Variants in VWC2 observed in about 807,000 individuals in gnomAD.
VWC2 encodes the protein brorin.
In VWC2, 14 loss-of-function variants were observed where a neutral mutation model predicts 29.8. The ratio of observed to expected loss-of-function variants is 0.47; its 90% CI spans 0.31 to 0.74. VWC2 has a LOEUF of 0.74. VWC2 is among the 30% of genes least tolerant of loss of function. The pLI is 0.05. For synonymous variants in VWC2, 213 were observed against 199.0 expected, an observed-to-expected ratio of 1.07 and a Z score of -0.59; for missense variants, 457 against 459.8, an observed-to-expected ratio of 0.99 and a Z score of 0.05.
At chr7:49,832,729 G>A (rs1789565884) in intron 3 of VWC2, among the ~76,000 whole-genome samples, 1 of 152,186 alleles carries the variant, frequency 6.6e-6, no homozygotes, top group Non-Finnish European at 1.5e-5. Context: ...CAAGCCAACA[G>A]CCTCTCATCA....
chr7:49,886,433 A>G (rs149558894), intron 3 of VWC2, among the ~76,000 whole-genome samples: 50 of 152,274 alleles, frequency 3.3e-4, no homozygotes, highest in Non-Finnish European at 4.6e-4. Flanking sequence ...TTACTTTTTA[A>G]TTTTGATTTC....
Position 49,919,277 on chromosome 7 carries a change from C to T in VWC2, c.*7092C>T, listed in dbSNP as rs552641196. 6.6e-6 allele frequency: 1 copy of T among 152,194 alleles called. No homozygotes were observed. Among genetic ancestry groups the T allele is most frequent in the South Asian group, 2.1e-4 (1 of 4,812 alleles). 9.4% of individuals were successfully genotyped at this position (152,194 alleles called of 1,614,324 possible). A position where few individuals can be genotyped will look rare whatever the true frequency, so the allele number is the denominator to read the frequency against. On this transcript the variant is annotated 3_prime_UTR_variant, in exon 4 of 4. Transcript: ENST00000340652. ...GATAGAGTCATATATGGTCTTTGGA[C>T]CCATGAAGCTCTGAGTCAAGGATAC...
chr7:49,879,715 TGGTTCTTGTTTTATTTCTTTCCATGGTTA>T lies in VWC2; in HGVS notation c.827-32318_827-32290del, dbSNP rs1460520173. On this transcript the variant is annotated intron_variant, in intron 3 of 3. Transcript: ENST00000340652. Reference sequence around the variant, plus strand: ...CTAGTACATAGTAATTCTTTCTCTTTGGTTCTTGTTTTATTTCTTTCCATGGTTATTTTTTTAAATAGGCCCTTTGCTAT... The same window carrying T: ...CTAGTACATAGTAATTCTTTCTCTTTTTTTTTTAAATAGGCCCTTTGCTAT... 6.2e-3 allele frequency among the ~76,000 whole-genome samples: 940 copies of T among 152,242 alleles called. 7 individuals carry two copies. The highest frequency in any genetic ancestry group is 0.021 in the African/African-American group (877 of 41,514).
At chr7:49,814,530 A>G (rs1789089770) in intron 3 of VWC2, among the ~76,000 whole-genome samples, 6 of 152,186 alleles carry the variant, frequency 3.9e-5, no homozygotes, top group Admixed American at 3.9e-4. Flanking sequence ...GCAGAATCTT[A>G]TTTTTAAGAT....
At chr7:49,853,442 G>A (rs191559335) in intron 3 of VWC2, among the ~76,000 whole-genome samples, 26 of 152,278 alleles carry the variant, frequency 1.7e-4, no homozygotes, top group African/African-American at 6.0e-4. Context: ...GCTGGGCATC[G>A]GGGCATATTA....
chr7:49,800,809 G>C lies in VWC2; in HGVS notation c.697-1902G>C, dbSNP rs894103411. Among the ~76,000 whole-genome samples the C allele has an allele frequency of 2.4e-4, 29 of 123,198 alleles. No homozygotes were observed. The Admixed American group carries it at 2.6e-3, about 11-fold the overall frequency. The allele number at this position is 123,198 out of a possible 152,430, so 80.8% of individuals were successfully genotyped here. Reference sequence around the variant, plus strand: ...GAGACAAGGAAATGAGACCCACAATGATGACAGCAACAATAAAGAGCACCA... The same window carrying C: ...GAGACAAGGAAATGAGACCCACAATCATGACAGCAACAATAAAGAGCACCA... On this transcript the variant is annotated intron_variant, in intron 2 of 3. Transcript: ENST00000340652.
In VWC2 at chr7:49,857,009, CAAAAAAAAAAAA is replaced by C. The variant is rs59910243; in HGVS notation, c.826+54190_826+54201del. On this transcript the variant is annotated intron_variant, in intron 3 of 3. Coordinates refer to ENST00000340652, the MANE Select transcript of VWC2 (RefSeq NM_198570.5). ...TGGGTGACAGAGCCAGATACTGTCT[CAAAAAAAAAAAA>C]AAAAAAAAAAAAAAAAAAAAGACGT... is the stretch of plus-strand genomic sequence containing the variant. 2.5e-4 allele frequency among the ~76,000 whole-genome samples: 13 copies of C among 52,788 alleles called. No homozygotes were observed. The South Asian group carries it at 5.1e-3, about 21-fold the overall frequency. The allele number at this position is 52,788 out of a possible 152,430, so 34.6% of individuals were successfully genotyped here. A position where few individuals can be genotyped will look rare whatever the true frequency, so the allele number is the denominator to read the frequency against.
At chr7:49,808,109 A>T (rs549446803) in intron 3 of VWC2, among the ~76,000 whole-genome samples, 1 of 152,196 alleles carries the variant, frequency 6.6e-6, no homozygotes, top group Non-Finnish European at 1.5e-5. Flanking sequence ...GAGAAAAAAT[A>T]AAAAAATAGA....
intron 3 of VWC2, among the ~76,000 whole-genome samples, chr7:49,902,720 C>A (rs1562763697): frequency 6.6e-6 from 1 of 151,896 alleles, no homozygotes; most frequent in Non-Finnish European, 1.5e-5. Flanking sequence ...GTTAGGACAT[C>A]AAAAGCAGGA....
intron 3 of VWC2, among the ~76,000 whole-genome samples, chr7:49,876,749 C>CA (rs1273790467): frequency 6.6e-6 from 1 of 152,026 alleles, no homozygotes; most frequent in Non-Finnish European, 1.5e-5. Context: ...CCTGTCAACA[C>CA]AGTTTTATTT....
chr7:49,841,478 T>C (rs189838236), intron 3 of VWC2, among the ~76,000 whole-genome samples: 9 of 152,356 alleles, frequency 5.9e-5, no homozygotes, highest in African/African-American at 1.9e-4. Context: ...TATAAAATTT[T>C]CACTTAAACA....
At chr7:49,900,750 A>G (rs1368641577) in intron 3 of VWC2, among the ~76,000 whole-genome samples, 1 of 151,846 alleles carries the variant, frequency 6.6e-6, no homozygotes, top group Non-Finnish European at 1.5e-5. Flanking sequence ...ACTGATATCA[A>G]TATTTTACAA....
At chr7:49,859,652 C>T (rs953054880) in intron 3 of VWC2, among the ~76,000 whole-genome samples, 1 of 152,236 alleles carries the variant, frequency 6.6e-6, no homozygotes, top group Admixed American at 6.5e-5. Context: ...GAATACTGTG[C>T]TCTCTAAAGT....
intron 3 of VWC2, among the ~76,000 whole-genome samples, chr7:49,834,760 G>A (rs972681023): frequency 6.6e-5 from 10 of 152,324 alleles, no homozygotes; most frequent in African/African-American, 7.2e-5. Context: ...GATTCTGGGG[G>A]TTTGGGACTG....
At position 49,914,466 on chromosome 7, in the gene VWC2, G is replaced by A. The variant is rs1015077657; in HGVS notation, c.*2281G>A. 1.3e-4 allele frequency: 20 copies of A among 152,128 alleles called. No individual in the cohort carries two copies. The highest frequency in any genetic ancestry group is 4.8e-4 in the African/African-American group (20 of 41,402). The allele number at this position is 152,128 out of a possible 1,614,324, so 9.4% of individuals were successfully genotyped here. A position where few individuals can be genotyped will look rare whatever the true frequency, so the allele number is the denominator to read the frequency against. On this transcript the variant is annotated 3_prime_UTR_variant, in exon 4 of 4. Transcript: ENST00000340652. ...ACACTCCTAAGAGCTAAAGCTCAATGGCTGTTATTACACCAAAGTAACTCC... is the reference window on the plus strand; with the variant it reads ...ACACTCCTAAGAGCTAAAGCTCAATAGCTGTTATTACACCAAAGTAACTCC...
chr7:49,774,585 C>T (rs1788010842), intron 1 of VWC2, among the ~76,000 whole-genome samples: 1 of 152,204 alleles, frequency 6.6e-6, no homozygotes, highest in African/African-American at 2.4e-5. Flanking sequence ...CGCTTCTGCT[C>T]CGCAGCCAGG....
Position 49,912,265 on chromosome 7 carries a change from C to T in VWC2, c.*80C>T. 2.1e-6 allele frequency: 3 copies of T among 1,439,338 alleles called. No homozygotes were observed. The highest frequency in any genetic ancestry group is 2.8e-6 in the Non-Finnish European group (3 of 1,069,530). 89.2% of individuals were successfully genotyped at this position (1,439,338 alleles called of 1,614,324 possible). On this transcript the variant is annotated 3_prime_UTR_variant, in exon 4 of 4. Transcript: ENST00000340652. ...CATTCTAGATGACTCTGGGAACTAT[C>T]AGTCAAAGAAGACTTTTGATGAGGA... is the stretch of plus-strand genomic sequence containing the variant.
At chr7:49,794,661 C>T (rs1562707914) in intron 2 of VWC2, among the ~76,000 whole-genome samples, 1 of 152,230 alleles carries the variant, frequency 6.6e-6, no homozygotes, top group Non-Finnish European at 1.5e-5. Flanking sequence ...TTCATCACCT[C>T]ATTCCACATT....
chr7:49,793,265 C>T (rs1788507129), intron 2 of VWC2, among the ~76,000 whole-genome samples: 1 of 151,620 alleles, frequency 6.6e-6, no homozygotes, highest in Non-Finnish European at 1.5e-5. Context: ...TCAAATATGC[C>T]TAAATAATAT....
Sources: allele counts gnomAD v4.1 joint callset (sites outside exome capture counted in the v4.1 genomes callset), GRCh38; gene constraint gnomAD v4.1.1; transcripts MANE v1.5; gene names NCBI Gene and HGNC (gene_info 2026-07-23, HGNC 2026-07-21).